PLXNB1: variants seen among roughly 807,000 people sequenced by gnomAD.
The protein encoded by PLXNB1 is plexin-B1.
Under a neutral mutation model 209.4 loss-of-function variants are expected in PLXNB1, and 106 were observed. The ratio of observed to expected loss-of-function variants is 0.51; its 90% CI spans 0.43 to 0.59. The LOEUF (loss-of-function observed/expected upper bound fraction) is 0.59. PLXNB1 is among the 20% of genes least tolerant of loss of function. The probability of loss-of-function intolerance (pLI) is 0.00; values close to 1 mark genes in which losing one functional copy is unlikely to be tolerated. For missense variants in PLXNB1, 2,357 were observed against 2,853.2 expected (o/e 0.83, Z 3.96); for synonymous variants, 1,167 against 1,183.2 (o/e 0.99, Z 0.28).
rs2038356956 is a variant in PLXNB1, at chr3:48,419,690, A to C, written c.2596T>G (p.Ser866Ala). The change falls in exon 11 of 38, where the codon TCC becomes GCC. Residue 866 changes from serine to alanine, a missense_variant. Ser to Ala is a moderately conservative substitution (Grantham distance 99, BLOSUM62 1). Transcript: ENST00000296440. This position sits in a 1 kb window ranked among gnomAD's most constrained non-coding sequence, Gnocchi z 5.7. Reference sequence around the variant, plus strand: ...TCTCCATCACCTGAGAGGAGGGTGGAAGTGGAGAAGGCGGGTGCGTCACCC... The same window carrying C: ...TCTCCATCACCTGAGAGGAGGGTGGCAGTGGAGAAGGCGGGTGCGTCACCC... ...TGGDAPAFST[S>A]TLLSGDGDSA... 1.2e-6 allele frequency: 2 copies of C among 1,612,346 alleles called. No homozygotes were observed. The highest frequency in any genetic ancestry group is 1.7e-6 in the Non-Finnish European group (2 of 1,179,938).
At position 48,419,730 on chromosome 3, in the gene PLXNB1, C is replaced by A; in HGVS notation, c.2556G>T (p.Ala852=). 1 of 1,611,080 alleles carries A rather than the reference C, an allele frequency of 6.2e-7. No homozygotes were observed. Among genetic ancestry groups the A allele is most frequent in the Non-Finnish European group, 8.5e-7 (1 of 1,179,430 alleles). The change falls in exon 11 of 38, where the codon GCG becomes GCT. Residue 852 remains alanine, a synonymous_variant. Coordinates refer to ENST00000296440, the MANE Select transcript of PLXNB1 (RefSeq NM_001130082.3). The surrounding 1 kb of genome is among the most constrained non-coding windows in gnomAD (Gnocchi z 5.7). ...LTREGGELPE[A]DEWTGGDAPA... is the part of the protein sequence containing the mutation. The stretch of plus-strand genomic sequence containing the variant: ...GTGCGTCACCCCCCGTCCACTCGTC[C>A]GCCTCGGGCAGCTCGCCGCCTTCTC...
In PLXNB1 at chr3:48,422,090, G is replaced by A. The variant is rs1439549782; in HGVS notation, c.1520+15C>T. ...GGGCTTGAGGCTGGGGCTGGGATGG[G>A]GTCAGAAATCTGACCTGCCAAGGAG... On this transcript the variant is annotated intron_variant, in intron 6 of 37. Coordinates refer to ENST00000296440, the MANE Select transcript of PLXNB1 (RefSeq NM_001130082.3). 2 of 1,604,484 alleles carry A rather than the reference G, an allele frequency of 1.2e-6. No homozygotes were observed. Among genetic ancestry groups the A allele is most frequent in the African/African-American group, 1.3e-5 (1 of 74,846 alleles).
At position 48,406,069 on chromosome 3, in the gene PLXNB1, ACTGAAGCC is replaced by A. The variant is rs2037302441; in HGVS notation, c.6229-279_6229-272del. 1 of 389,370 alleles carries A rather than the reference ACTGAAGCC, an allele frequency of 2.6e-6. No individual in the cohort carries two copies. The highest frequency in any genetic ancestry group is 3.7e-5 in the Admixed American group (1 of 26,694). 24.1% of individuals were successfully genotyped at this position (389,370 alleles called of 1,614,324 possible). Reference sequence around the variant, plus strand: ...TGCTTCAGCAAGGTCTGGGGTTTCCACTGAAGCCCTGCCTCTCTCACCCCCTTGAGGTT... The same window carrying A: ...TGCTTCAGCAAGGTCTGGGGTTTCCACTGCCTCTCTCACCCCCTTGAGGTT... On this transcript the variant is annotated intron_variant, in intron 36 of 37. Coordinates refer to ENST00000296440, the MANE Select transcript of PLXNB1 (RefSeq NM_001130082.3). This position sits in a 1 kb window ranked among gnomAD's most constrained non-coding sequence, Gnocchi z 4.4.
chr3:48,405,340 T>C lies in PLXNB1; in HGVS notation c.6303+384A>G, dbSNP rs970349679. ...CAGTGTACCCTCACACCCCTGGCCC[T>C]GTGCCTGGACTCTCCTCTTCGCAGC... On this transcript the variant is annotated intron_variant, in intron 37 of 37. Transcript: ENST00000296440. This position sits in a 1 kb window ranked among gnomAD's most constrained non-coding sequence, Gnocchi z 5.0. 2.6e-5 allele frequency among the ~76,000 whole-genome samples: 4 copies of C among 152,180 alleles called. No homozygotes were observed. The highest frequency in any genetic ancestry group is 4.4e-5 in the Non-Finnish European group (3 of 68,018).
Position 48,420,913 on chromosome 3 carries a change from C to G in PLXNB1, c.1854G>C (p.Val618=), listed in dbSNP as rs1197838936. Residue 618 remains valine, a synonymous_variant, in exon 9 of 38, where the codon GTG becomes GTC. Transcript: ENST00000296440. ...VSVELRFGAV[V]IAKTSLSFYD... ...AGAAAGAGAGGGAAGTTTTGGCGATCACAACAGCGCCAAATCTGAGCTCCA... is the reference window on the plus strand; with the variant it reads ...AGAAAGAGAGGGAAGTTTTGGCGATGACAACAGCGCCAAATCTGAGCTCCA... The G allele has an allele frequency of 5.0e-6, 8 of 1,614,058 alleles. No homozygotes were observed. Among genetic ancestry groups the G allele is most frequent in the Non-Finnish European group, 6.8e-6 (8 of 1,179,928 alleles).
rs566338054 is a variant in PLXNB1 at position 48,417,779 on chromosome 3, G to A, written c.3374+132C>T. ...TCTTCAGTGGCAACGCTGGCACTCG[G>A]GCATTGTGGCCAGGATCAAGGAACA... On this transcript the variant is annotated intron_variant, in intron 16 of 37. Coordinates refer to ENST00000296440, the MANE Select transcript of PLXNB1 (RefSeq NM_001130082.3). This position sits in a 1 kb window ranked among gnomAD's most constrained non-coding sequence, Gnocchi z 4.4. 44 of 1,001,478 alleles carry A rather than the reference G, an allele frequency of 4.4e-5. No homozygotes were observed. Among genetic ancestry groups the A allele is most frequent in the African/African-American group, 1.6e-5 (1 of 62,142 alleles). 62.0% of individuals were successfully genotyped at this position (1,001,478 alleles called of 1,614,324 possible).
At position 48,405,674 on chromosome 3, in the gene PLXNB1, C is replaced by A; in HGVS notation, c.6303+50G>T. 6.9e-7 allele frequency: 1 copy of A among 1,451,710 alleles called. No individual in the cohort carries two copies. 89.9% of individuals were successfully genotyped at this position (1,451,710 alleles called of 1,614,324 possible). On this transcript the variant is annotated intron_variant, in intron 37 of 37. Transcript: ENST00000296440. This position sits in a 1 kb window ranked among gnomAD's most constrained non-coding sequence, Gnocchi z 5.0. Reference sequence around the variant, plus strand: ...CACAGGGTCAGAGCCCCTTAAGTCTCCTGGGAGGCCTTGGGTCAGCCTCCC... The same window carrying A: ...CACAGGGTCAGAGCCCCTTAAGTCTACTGGGAGGCCTTGGGTCAGCCTCCC...
chr3:48,421,487 C>T (rs539482970), intron 7 of PLXNB1, 103 bp from the exon 8 acceptor site: 22 of 1,315,730 alleles, frequency 1.7e-5, no homozygotes, highest in Non-Finnish European at 5.2e-6. Context: ...AATCAACAGC[C>T]CTCAGGCCTC....
rs1303101828 is a variant in PLXNB1, at chr3:48,416,170, G to A, written c.3481-3C>T. On this transcript the variant is annotated splice_region_variant and splice_polypyrimidine_tract_variant and intron_variant, in intron 17 of 37. Coordinates refer to ENST00000296440, the MANE Select transcript of PLXNB1 (RefSeq NM_001130082.3). This position sits in a 1 kb window ranked among gnomAD's most constrained non-coding sequence, Gnocchi z 4.1. ...AAGATGGAATGGACCTTCGGATCCT[G>A]TGGGACAGACAGGGAGAGAGATGAG... is the stretch of plus-strand genomic sequence containing the variant. 1.9e-6 allele frequency: 3 copies of A among 1,599,118 alleles called. No homozygotes were observed. Among genetic ancestry groups the A allele is most frequent in the South Asian group, 1.1e-5 (1 of 89,120 alleles).
Position 48,411,387 on chromosome 3 carries a change from C to A in PLXNB1, c.5248-351G>T, listed in dbSNP as rs1170925170. Among the ~76,000 whole-genome samples, 1 of 152,202 alleles carries A rather than the reference C, an allele frequency of 6.6e-6. No individual in the cohort carries two copies. Among genetic ancestry groups the A allele is most frequent in the East Asian group, 1.9e-4 (1 of 5,190 alleles). On this transcript the variant is annotated intron_variant, in intron 28 of 37. Transcript: ENST00000296440. The surrounding 1 kb of genome is among the most constrained non-coding windows in gnomAD (Gnocchi z 4.0). ...ATTCCCACCATCGGGAGCAAATATT[C>A]CCACCTATCCGACAGGGGAGGGGTT...
chr3:48,412,736 G>A lies in PLXNB1; in HGVS notation c.4854+6C>T, dbSNP rs1165131052. 2.5e-6 allele frequency: 4 copies of A among 1,611,518 alleles called. No homozygotes were observed. The highest frequency in any genetic ancestry group is 3.4e-6 in the Non-Finnish European group (4 of 1,178,458). ...GGGCAGGCCAGGAAGATGCAGCTGG[G>A]GGTACCTTGGTGAGGAAGAGCTTGC... On this transcript the variant is annotated splice_donor_region_variant and intron_variant, in intron 25 of 37. Coordinates refer to ENST00000296440, the MANE Select transcript of PLXNB1 (RefSeq NM_001130082.3).
In PLXNB1 at chr3:48,415,165, G is replaced by A. The variant is rs1373444047; in HGVS notation, c.3966+11C>T. ...AAGGGGAGAGTGTGGGGGTACCCAA[G>A]GGTGTCCTACTTGCTGGCTACTGCA... is the stretch of plus-strand genomic sequence containing the variant. On this transcript the variant is annotated intron_variant, in intron 20 of 37. Transcript: ENST00000296440. This position sits in a 1 kb window ranked among gnomAD's most constrained non-coding sequence, Gnocchi z 5.0. 1 of 1,610,034 alleles carries A rather than the reference G, an allele frequency of 6.2e-7. No homozygotes were observed. The highest frequency in any genetic ancestry group is 8.5e-7 in the Non-Finnish European group (1 of 1,177,152).
Position 48,417,360 on chromosome 3 carries a change from G to A in PLXNB1, c.3374+551C>T, listed in dbSNP as rs1035487250. Among the ~76,000 whole-genome samples, 9 of 152,246 alleles carry A rather than the reference G, an allele frequency of 5.9e-5. No homozygotes were observed. The highest frequency in any genetic ancestry group is 1.2e-4 in the Non-Finnish European group (8 of 68,048). On this transcript the variant is annotated intron_variant, in intron 16 of 37. Coordinates refer to ENST00000296440, the MANE Select transcript of PLXNB1 (RefSeq NM_001130082.3). The surrounding 1 kb of genome is among the most constrained non-coding windows in gnomAD (Gnocchi z 4.4). The stretch of plus-strand genomic sequence containing the variant: ...GGACATCTCCTTAGGAATGTCCTGC[G>A]TGTGTACCTTTGGGGCCTGCAACCG...
chr3:48,420,027 C>A lies in PLXNB1; in HGVS notation c.2259G>T (p.Ser753=). 6.2e-7 allele frequency: 1 copy of A among 1,608,272 alleles called. No individual in the cohort carries two copies. Among genetic ancestry groups the A allele is most frequent in the South Asian group, 1.1e-5 (1 of 90,596 alleles). ...GAGGGGAGGGCTCCTCATGGAGAGG[C>A]GACCCTGTGGAGCCAGGGGAAGATA... ...GSISSPGSTG[S]PLHEEPSPPS... is the part of the protein sequence containing the mutation. Residue 753 remains serine, a synonymous_variant, in exon 11 of 38, where the codon TCG becomes TCT. Coordinates refer to ENST00000296440, the MANE Select transcript of PLXNB1 (RefSeq NM_001130082.3).
Position 48,409,557 on chromosome 3 carries a change from C to G in PLXNB1, c.5939+14G>C. The G allele has an allele frequency of 6.2e-7, 1 of 1,613,636 alleles. No individual in the cohort carries two copies. Among genetic ancestry groups the G allele is most frequent in the Non-Finnish European group, 8.5e-7 (1 of 1,179,656 alleles). On this transcript the variant is annotated intron_variant, in intron 33 of 37. Transcript: ENST00000296440. The surrounding 1 kb of genome is among the most constrained non-coding windows in gnomAD (Gnocchi z 5.8). ...CCCCCACACACACCTAGAGCCCACC[C>G]AGCTCCACCCCACCTGTTGGTCTTC...
Position 48,420,143 on chromosome 3 carries a change from C to A in PLXNB1, c.2143G>T (p.Ala715Ser). 1 of 1,611,148 alleles carries A rather than the reference C, an allele frequency of 6.2e-7. No homozygotes were observed. The highest frequency in any genetic ancestry group is 8.5e-7 in the Non-Finnish European group (1 of 1,178,950). Residue 715 changes from alanine to serine, a missense_variant, in exon 11 of 38, where the codon GCT (alanine) becomes TCT (serine). Around this residue, in one of 7 missense-constraint regions of PLXNB1, gnomAD observed 410 missense variants for 401.0 expected, o/e 1.02. Coordinates refer to ENST00000296440, the MANE Select transcript of PLXNB1 (RefSeq NM_001130082.3). The part of the protein sequence containing the change: ...APDTLPVEPG[A>S]PSTATASDIS... ...TCCGAAGCTGTGGCTGTGGAGGGAG[C>A]CCCAGGCTCCACGGGAAGGGTGTCA... is the stretch of plus-strand genomic sequence containing the variant.
In PLXNB1 at chr3:48,415,114, G is replaced by C; in HGVS notation, c.3966+62C>G. On this transcript the variant is annotated intron_variant, in intron 20 of 37. Transcript: ENST00000296440. The surrounding 1 kb of genome is among the most constrained non-coding windows in gnomAD (Gnocchi z 5.0). Reference sequence around the variant, plus strand: ...AGAGCCTCCTCTGGCACCTGCTCTGGCTGTCCCCAGGGTGTGGTATGGGGC... The same window carrying C: ...AGAGCCTCCTCTGGCACCTGCTCTGCCTGTCCCCAGGGTGTGGTATGGGGC... 3 of 1,606,204 alleles carry C rather than the reference G, an allele frequency of 1.9e-6. No individual in the cohort carries two copies. Among genetic ancestry groups the C allele is most frequent in the Non-Finnish European group, 8.5e-7 (1 of 1,174,332 alleles).
At chr3:48,412,649 G>C (rs55830941) in intron 25 of PLXNB1, 29 bp from the exon 26 acceptor site, 75 of 1,609,664 alleles carry the variant, frequency 4.7e-5, no homozygotes, top group Non-Finnish European at 6.2e-5. Flanking sequence ...GATGGGAAAA[G>C]GGGTTTAGGG....
chr3:48,424,238 C>A lies in PLXNB1; in HGVS notation c.374G>T (p.Gly125Val). The change falls in exon 3 of 38, where the codon GGG (glycine) becomes GTG (valine). Residue 125 changes from glycine to valine, a missense_variant. Gly to Val is a moderately radical substitution (Grantham distance 109). Transcript: ENST00000296440. Reference sequence around the variant, plus strand: ...CCGCAGCAGCAGCTGCTCGAGCTGCCCCAGGCGCCGCTGTTCACAGACCCC... The same window carrying A: ...CCGCAGCAGCAGCTGCTCGAGCTGCACCAGGCGCCGCTGTTCACAGACCCC... ...HQGVCEQRRL[G>V]QLEQLLLRPE... The A allele has an allele frequency of 1.2e-6, 2 of 1,602,484 alleles. No individual in the cohort carries two copies. Among genetic ancestry groups the A allele is most frequent in the Non-Finnish European group, 1.7e-6 (2 of 1,174,188 alleles).
Sources: gnomAD v4.1 joint callset for allele counts (sites outside exome capture counted in the v4.1 genomes callset) on GRCh38, gnomAD v4.1.1 for gene constraint, gnomAD v4.1.1 regional missense constraint, Gnocchi (gnomAD v3.1) non-coding constraint, MANE v1.5 for transcripts, NCBI Gene and HGNC (gene_info 2026-07-23, HGNC 2026-07-21) for gene names.